The following AJAP1 variants were observed in gnomAD, a reference collection of about 807,000 sequenced individuals.
AJAP1 encodes the protein adherens junction-associated protein 1.
Under a neutral mutation model 35.0 loss-of-function variants are expected in AJAP1, and 5 were observed. The observed-to-expected ratio is 0.14, with a 90% CI of 0.07 to 0.30. The LOEUF is 0.30. AJAP1 is among the 10% of genes least tolerant of loss of function. The pLI is 1.00. For missense variants in AJAP1, 586 were observed against 571.0 expected, an observed-to-expected ratio of 1.03 and a Z score of -0.27; for synonymous variants, 284 against 249.3, an observed-to-expected ratio of 1.14 and a Z score of -1.31.
intron 5 of AJAP1, among the ~76,000 whole-genome samples, chr1:4,775,675 C>T (rs1428737439): frequency 6.6e-6 from 1 of 152,224 alleles, no homozygotes; most frequent in Admixed American, 6.5e-5. Context: ...AAATCTCCAG[C>T]CCTCACTCCC....
chr1:4,767,540 C>T (rs1239753780), intron 2 of AJAP1, among the ~76,000 whole-genome samples: 1 of 151,950 alleles, frequency 6.6e-6, no homozygotes, highest in East Asian at 1.9e-4. Flanking sequence ...CCATTATCAT[C>T]ATCACCATCT....
intron 2 of AJAP1, among the ~76,000 whole-genome samples, chr1:4,738,822 G>A (rs963186096): frequency 6.6e-6 from 1 of 152,138 alleles, no homozygotes; most frequent in Non-Finnish European, 1.5e-5. Flanking sequence ...TGTGGGCGGA[G>A]GCCACCACTT....
intron 1 of AJAP1, among the ~76,000 whole-genome samples, chr1:4,670,283 G>A (rs1211677085): frequency 2.0e-5 from 3 of 152,184 alleles, no homozygotes; most frequent in African/African-American, 7.2e-5. Context: ...GTGAGAAGCA[G>A]CACTTTTTAT....
rs1052803217 is a variant in AJAP1, at chr1:4,787,890, C to T, written c.*5405C>T. 8 of 370,452 alleles carry T rather than the reference C, an allele frequency of 2.2e-5. No individual in the cohort carries two copies. Among genetic ancestry groups the T allele is most frequent in the African/African-American group, 8.4e-5 (4 of 47,412 alleles). 22.9% of individuals were successfully genotyped at this position (370,452 alleles called of 1,614,324 possible). On this transcript the variant is annotated 3_prime_UTR_variant, in exon 6 of 6. Coordinates refer to ENST00000378191, the MANE Select transcript of AJAP1 (RefSeq NM_018836.4). Reference sequence around the variant, plus strand: ...CTCACTTAGTGGCATCCTTCTTAAACAGCATCTGCTTTTAAGTAAGCAGCT... The same window carrying T: ...CTCACTTAGTGGCATCCTTCTTAAATAGCATCTGCTTTTAAGTAAGCAGCT...
chr1:4,755,491 C>G (rs1641408849), intron 2 of AJAP1, among the ~76,000 whole-genome samples: 1 of 152,226 alleles, frequency 6.6e-6, no homozygotes, highest in African/African-American at 2.4e-5. Context: ...CCACGGGGCT[C>G]TGTTTGCAAG....
chr1:4,764,278 G>A (rs1255251935), intron 2 of AJAP1, among the ~76,000 whole-genome samples: 1 of 152,186 alleles, frequency 6.6e-6, no homozygotes, highest in African/African-American at 2.4e-5. Context: ...ACTCCTTTGT[G>A]TCCCTGACAT....
rs543529035 is a variant in AJAP1, at chr1:4,683,827, C to A, written c.30-28073C>A. 9.8e-4 allele frequency among the ~76,000 whole-genome samples: 149 copies of A among 152,264 alleles called. 1 individual carries two copies. Among genetic ancestry groups the A allele is most frequent in the Non-Finnish European group, 1.5e-3 (104 of 68,034 alleles). Reference sequence around the variant, plus strand: ...AAGAACATCACTGTCCCCAGAGAGGCCAGGGTGGGACTTGCACAGGTGCAG... The same window carrying A: ...AAGAACATCACTGTCCCCAGAGAGGACAGGGTGGGACTTGCACAGGTGCAG... On this transcript the variant is annotated intron_variant, in intron 1 of 5. Transcript: ENST00000378191.
rs540658621 is a variant in AJAP1, at chr1:4,723,589, G to C, written c.829+10890G>C. Among the ~76,000 whole-genome samples the C allele has an allele frequency of 7.9e-4, 121 of 152,286 alleles. No individual in the cohort carries two copies. Among genetic ancestry groups the C allele is most frequent in the African/African-American group, 2.8e-3 (117 of 41,560 alleles). On this transcript the variant is annotated intron_variant, in intron 2 of 5. Coordinates refer to ENST00000378191, the MANE Select transcript of AJAP1 (RefSeq NM_018836.4). This position sits in a 1 kb window ranked among gnomAD's most constrained non-coding sequence, Gnocchi z 4.3. ...GAGACATGAAAGAGGCCACTTTTGT[G>C]AGGTGGAGGCTGCTGGAGACGTGGT...
intron 4 of AJAP1, among the ~76,000 whole-genome samples, chr1:4,774,198 C>T (rs1250539288): frequency 6.6e-6 from 1 of 152,222 alleles, no homozygotes; most frequent in Non-Finnish European, 1.5e-5. Flanking sequence ...GCCCAGATCC[C>T]TCAGTCTGTG....
At position 4,789,010 on chromosome 1, in the gene AJAP1, G is replaced by A. The variant is rs950380113; in HGVS notation, c.*6525G>A. The A allele has an allele frequency of 6.6e-6, 1 of 152,210 alleles. No homozygotes were observed. The highest frequency in any genetic ancestry group is 1.9e-4 in the East Asian group (1 of 5,194). 9.4% of individuals were successfully genotyped at this position (152,210 alleles called of 1,614,324 possible). The stretch of plus-strand genomic sequence containing the variant: ...GCTCCATTGCCTTTTCCTCGTGAAG[G>A]ATTCCCTGCTAAATGTTCTAAGAGT... On this transcript the variant is annotated 3_prime_UTR_variant, in exon 6 of 6. Coordinates refer to ENST00000378191, the MANE Select transcript of AJAP1 (RefSeq NM_018836.4). The surrounding 1 kb of genome is among the most constrained non-coding windows in gnomAD (Gnocchi z 4.4).
intron 1 of AJAP1, among the ~76,000 whole-genome samples, chr1:4,690,439 G>T (rs1038096184): frequency 6.6e-6 from 1 of 152,184 alleles, no homozygotes; most frequent in East Asian, 1.9e-4. Flanking sequence ...CCCTCTCTTC[G>T]TCATGGAGCC....
In AJAP1 at chr1:4,666,493, G is replaced by A. The variant is rs571988759; in HGVS notation, c.29+11039G>A. Among the ~76,000 whole-genome samples, 7 of 152,122 alleles carry A rather than the reference G, an allele frequency of 4.6e-5. 1 individual carries two copies. In the East Asian group the frequency reaches 1.4e-3, roughly 30 times the overall value. ...TGGGGAGTGAGGGGTGCAGAGAGGG[G>A]GCCCGTGACTCACAGGAGGGGTGCG... On this transcript the variant is annotated intron_variant, in intron 1 of 5. Coordinates refer to ENST00000378191, the MANE Select transcript of AJAP1 (RefSeq NM_018836.4).
intron 2 of AJAP1, among the ~76,000 whole-genome samples, chr1:4,765,050 T>C (rs1641649712): frequency 6.6e-6 from 1 of 152,206 alleles, no homozygotes; most frequent in Non-Finnish European, 1.5e-5. Context: ...TTTTTCATCA[T>C]CTGGATGGCA....
Position 4,711,890 on chromosome 1 carries a change from C to A in AJAP1, c.30-10C>A. The stretch of plus-strand genomic sequence containing the variant: ...ACTGACCGCTCTTCTCTCCTTTCCC[C>A]CCCGCACAGCTCCATGTCCATCCGC... On this transcript the variant is annotated splice_polypyrimidine_tract_variant and intron_variant, in intron 1 of 5. Coordinates refer to ENST00000378191, the MANE Select transcript of AJAP1 (RefSeq NM_018836.4). 6.8e-7 allele frequency: 1 copy of A among 1,473,722 alleles called. No homozygotes were observed. The highest frequency in any genetic ancestry group is 2.7e-5 in the East Asian group (1 of 37,626). The allele number at this position is 1,473,722 out of a possible 1,614,324, so 91.3% of individuals were successfully genotyped here. A position where few individuals can be genotyped will look rare whatever the true frequency, so the allele number is the denominator to read the frequency against.
intron 1 of AJAP1, among the ~76,000 whole-genome samples, chr1:4,658,445 C>T (rs1253437083): frequency 6.6e-6 from 1 of 152,230 alleles, no homozygotes; most frequent in African/African-American, 2.4e-5. Context: ...GGCTGTGCAG[C>T]CCAGCTTTAG....
chr1:4,664,871 C>G lies in AJAP1; in HGVS notation c.29+9417C>G, dbSNP rs373196535. On this transcript the variant is annotated intron_variant, in intron 1 of 5. Coordinates refer to ENST00000378191, the MANE Select transcript of AJAP1 (RefSeq NM_018836.4). Reference sequence around the variant, plus strand: ...TGAAGCAATCACCCACGGATGGTGCCGGTAGACTTCCTAGGCATGCAGCTA... The same window carrying G: ...TGAAGCAATCACCCACGGATGGTGCGGGTAGACTTCCTAGGCATGCAGCTA... Among the ~76,000 whole-genome samples the G allele has an allele frequency of 8.5e-5, 13 of 152,186 alleles. No homozygotes were observed. In the East Asian group the frequency reaches 2.3e-3, roughly 27 times the overall value.
chr1:4,729,224 G>C (rs182449572), intron 2 of AJAP1, among the ~76,000 whole-genome samples: 184 of 152,310 alleles, frequency 1.2e-3, no homozygotes, highest in African/African-American at 3.9e-3. Flanking sequence ...ATGCAGATGA[G>C]TCTCCCTTTC....
intron 2 of AJAP1, among the ~76,000 whole-genome samples, chr1:4,741,221 T>C (rs381339): frequency 0.3 from 44,873 of 151,962 alleles, 6,979 homozygotes; most frequent in African/African-American, 0.35. Context: ...CCGAGTGTCC[T>C]GGAGCTGCCG....
intron 1 of AJAP1, among the ~76,000 whole-genome samples, chr1:4,669,766 A>AT (rs1639211498): frequency 1.3e-5 from 2 of 152,150 alleles, no homozygotes; most frequent in African/African-American, 2.4e-5. Context: ...TTTATGATGA[A>AT]TTCTGTGCCA....
Sources: allele counts gnomAD v4.1 joint callset (sites outside exome capture counted in the v4.1 genomes callset), GRCh38; gene constraint gnomAD v4.1.1; non-coding constraint Gnocchi (gnomAD v3.1); transcripts MANE v1.5; gene names NCBI Gene and HGNC (gene_info 2026-07-23, HGNC 2026-07-21).